EFCAB14: variants seen among roughly 807,000 people sequenced by gnomAD.
The protein encoded by EFCAB14 is EF-hand calcium-binding domain-containing protein 14.
In EFCAB14, 43 loss-of-function variants were observed where a neutral mutation model predicts 56.5. The observed-to-expected ratio is 0.76, with a 90% CI of 0.60 to 0.98. The LOEUF is 0.98. EFCAB14 is among the 50% of genes least tolerant of loss of function. EFCAB14 has a pLI of 0.00. For missense variants in EFCAB14, 538 were observed against 580.3 expected (o/e 0.93, Z 0.75); for synonymous variants, 235 against 212.9 (o/e 1.10, Z -0.90).
At chr1:46,690,633 T>C (rs1041791015) in intron 5 of EFCAB14, among the ~76,000 whole-genome samples, 3 of 152,232 alleles carry the variant, frequency 2.0e-5, no homozygotes, top group South Asian at 2.1e-4. Context: ...ATCAAGATAT[T>C]AAAATAATAA....
At chr1:46,685,360 T>C (rs950728091) in intron 8 of EFCAB14, among the ~76,000 whole-genome samples, 1 of 152,230 alleles carries the variant, frequency 6.6e-6, no homozygotes, top group Non-Finnish European at 1.5e-5. Context: ...CCTGATCCTA[T>C]GTTTAATTAG....
At chr1:46,708,074 A>T (rs1677258376) in intron 2 of EFCAB14, 23 bp from the exon 3 acceptor site, 1 of 1,605,686 alleles carries the variant, frequency 6.2e-7, no homozygotes, top group South Asian at 1.1e-5. Context: ...AATAAGAACA[A>T]TCATAACTAG....
intron 3 of EFCAB14, among the ~76,000 whole-genome samples, chr1:46,701,579 G>A (rs1295875673): frequency 4.6e-5 from 7 of 152,170 alleles, no homozygotes; most frequent in Non-Finnish European, 1.0e-4. Context: ...GAATGGTAGT[G>A]GTCTCACAAA....
rs115782333 is a variant in EFCAB14 at position 46,696,063 on chromosome 1, C to T, written c.579+488G>A. On this transcript the variant is annotated intron_variant, in intron 4 of 10. Coordinates refer to ENST00000371933, the MANE Select transcript of EFCAB14 (RefSeq NM_014774.3). ...CCTTCGTTCCACATATCCTTGCCAACACTTGTTTCCTGAATTTTTAATTTT... is the reference window on the plus strand; with the variant it reads ...CCTTCGTTCCACATATCCTTGCCAATACTTGTTTCCTGAATTTTTAATTTT... Among the ~76,000 whole-genome samples the T allele has an allele frequency of 4.2e-3, 638 of 151,652 alleles. 1 individual carries two copies. Among genetic ancestry groups the T allele is most frequent in the African/African-American group, 0.014 (586 of 41,374 alleles).
chr1:46,684,322 A>C, intron 9 of EFCAB14, 169 bp downstream of exon 9: 1 of 592,430 alleles, frequency 1.7e-6, no homozygotes, highest in South Asian at 2.1e-5. Context: ...ATCATGTACA[A>C]AATGGGCCTT....
chr1:46,681,280 A>T (rs1676790188), intron 10 of EFCAB14, among the ~76,000 whole-genome samples: 1 of 152,234 alleles, frequency 6.6e-6, no homozygotes, highest in Admixed American at 6.5e-5. Flanking sequence ...ACATTTAAAA[A>T]ATACTTGTGT....
chr1:46,708,945 CTT>C (rs539417579), intron 2 of EFCAB14, among the ~76,000 whole-genome samples: 12 of 145,886 alleles, frequency 8.2e-5, no homozygotes, highest in Admixed American at 6.8e-5. Flanking sequence ...AACCTACATC[CTT>C]TTTTTTTTTT....
chr1:46,693,152 C>A (rs566091729), intron 4 of EFCAB14, among the ~76,000 whole-genome samples: 1 of 152,086 alleles, frequency 6.6e-6, no homozygotes, highest in Non-Finnish European at 1.5e-5. Flanking sequence ...CTTTCATTAG[C>A]CCTAAAAAGC....
chr1:46,718,109 A>T lies in EFCAB14; in HGVS notation c.-22T>A. ...TCATCTTTTTGTGTGGGGTGAGTGGAGCCCCGACTCCTGAGCTGCCAGGTT... is the reference window on the plus strand; with the variant it reads ...TCATCTTTTTGTGTGGGGTGAGTGGTGCCCCGACTCCTGAGCTGCCAGGTT... On this transcript the variant is annotated 5_prime_UTR_variant, in exon 1 of 11. Transcript: ENST00000371933. The T allele has an allele frequency of 1.2e-6, 2 of 1,609,488 alleles. No homozygotes were observed. The highest frequency in any genetic ancestry group is 1.7e-6 in the Non-Finnish European group (2 of 1,176,802).
At chr1:46,714,207 A>C (rs1276858672) in intron 2 of EFCAB14, among the ~76,000 whole-genome samples, 2 of 152,224 alleles carry the variant, frequency 1.3e-5, no homozygotes, top group African/African-American at 2.4e-5. Flanking sequence ...TCTAGGCTTC[A>C]GATGGGAAAG....
chr1:46,683,304 A>T lies in EFCAB14; in HGVS notation c.1308T>A (p.Thr436=). The change falls in exon 10 of 11, where the codon ACT becomes ACA. Residue 436 remains threonine (T), a synonymous_variant. Transcript: ENST00000371933. ...RPISLPGVSS[T]EDLQDLFRKT... Reference sequence around the variant, plus strand: ...CCCCGTGGTATAAAAATTTACCTTCAGTGCTAGAAACTCCTGGTAGGGAGA... The same window carrying T: ...CCCCGTGGTATAAAAATTTACCTTCTGTGCTAGAAACTCCTGGTAGGGAGA... The T allele has an allele frequency of 6.2e-7, 1 of 1,612,864 alleles. No homozygotes were observed. The highest frequency in any genetic ancestry group is 8.5e-7 in the Non-Finnish European group (1 of 1,179,650).
At chr1:46,695,545 T>A (rs979775306) in intron 4 of EFCAB14, among the ~76,000 whole-genome samples, 2 of 152,212 alleles carry the variant, frequency 1.3e-5, no homozygotes, top group African/African-American at 4.8e-5. Context: ...TGGCACATAA[T>A]CTGACCAAAC....
At position 46,709,848 on chromosome 1, in the gene EFCAB14, C is replaced by T. The variant is rs1458010495; in HGVS notation, c.335-1797G>A. Among the ~76,000 whole-genome samples, 7 of 152,028 alleles carry T rather than the reference C, an allele frequency of 4.6e-5. No individual in the cohort carries two copies. In the East Asian group the frequency reaches 5.8e-4, roughly 13 times the overall value. On this transcript the variant is annotated intron_variant, in intron 2 of 10. Coordinates refer to ENST00000371933, the MANE Select transcript of EFCAB14 (RefSeq NM_014774.3). ...ACTAAAAATACAAAAATTAGCCAGGCGTGGTGGGGCATGCCTGTAATCCCA... is the reference window on the plus strand; with the variant it reads ...ACTAAAAATACAAAAATTAGCCAGGTGTGGTGGGGCATGCCTGTAATCCCA...
intron 2 of EFCAB14, among the ~76,000 whole-genome samples, chr1:46,709,814 C>A (rs1677282606): frequency 2.0e-5 from 3 of 152,042 alleles, no homozygotes; most frequent in African/African-American, 7.2e-5. Context: ...ATGGCAAAAC[C>A]CTGTCTCTAC....
At chr1:46,688,583 G>T in intron 6 of EFCAB14, 39 bp from the exon 7 acceptor site, 1 of 1,579,710 alleles carries the variant, frequency 6.3e-7, no homozygotes, top group Non-Finnish European at 8.7e-7. Flanking sequence ...ATCCACTAAA[G>T]ACGTAAATTA....
At chr1:46,688,884 A>G (rs1483830529) in intron 6 of EFCAB14, among the ~76,000 whole-genome samples, 2 of 152,212 alleles carry the variant, frequency 1.3e-5, no homozygotes, top group Non-Finnish European at 2.9e-5. Context: ...TGAAAGGTCC[A>G]TTAACCTAAT....
At chr1:46,714,110 T>A (rs1277649399) in intron 2 of EFCAB14, among the ~76,000 whole-genome samples, 1 of 152,220 alleles carries the variant, frequency 6.6e-6, no homozygotes, top group South Asian at 2.1e-4. Context: ...GAAACATCAT[T>A]AACACACTAA....
In EFCAB14 at chr1:46,678,636, T is replaced by C. The variant is rs368315675; in HGVS notation, c.1313A>G (p.Asp438Gly). Residue 438 changes from aspartate to glycine, a missense_variant and splice_region_variant, in exon 11 of 11, where the codon GAT becomes GGT. By Grantham distance (94) the Asp-to-Gly change is moderately conservative. Coordinates refer to ENST00000371933, the MANE Select transcript of EFCAB14 (RefSeq NM_014774.3). The stretch of plus-strand genomic sequence containing the variant: ...AGTCTTGCGGAATAAATCCTGAAGA[T>C]CTGTCAAAAATGAATTACAAAAAAT... ...ISLPGVSSTE[D>G]LQDLFRKTGQ... 3 of 1,607,292 alleles carry C rather than the reference T, an allele frequency of 1.9e-6. No homozygotes were observed. The highest frequency in any genetic ancestry group is 1.7e-6 in the Non-Finnish European group (2 of 1,176,040).
chr1:46,683,787 T>C (rs1424054140), intron 9 of EFCAB14, among the ~76,000 whole-genome samples: 1 of 152,198 alleles, frequency 6.6e-6, no homozygotes, highest in Non-Finnish European at 1.5e-5. Context: ...TTAAACCCAG[T>C]CTAGGGGTAT....
Sources: allele counts gnomAD v4.1 joint callset (sites outside exome capture counted in the v4.1 genomes callset), GRCh38; gene constraint gnomAD v4.1.1; transcripts MANE v1.5; gene names NCBI Gene and HGNC (gene_info 2026-07-23, HGNC 2026-07-21).